Variants in ERBB4 observed in about 807,000 individuals in gnomAD.
ERBB4 encodes the protein erb-b2 receptor tyrosine kinase 4.
ERBB4 carries 42 observed loss-of-function variants against 158.0 expected under a neutral mutation model. That is an observed-to-expected ratio of 0.27 (90% CI 0.21 to 0.34). ERBB4 has a LOEUF of 0.34. ERBB4 is among the 10% of genes least tolerant of loss of function. The pLI is 1.00. For missense variants in ERBB4, 1,333 were observed against 1,624.1 expected, an observed-to-expected ratio of 0.82 and a Z score of 3.08; for synonymous variants, 583 against 558.7, an observed-to-expected ratio of 1.04 and a Z score of -0.61.
intron 12 of ERBB4, among the ~76,000 whole-genome samples, chr2:211,686,192 C>T (rs2072556960): frequency 1.3e-5 from 2 of 152,188 alleles, no homozygotes; most frequent in Admixed American, 6.5e-5. Flanking sequence ...CAATCTAGTG[C>T]AAAAGCCTTC....
intron 1 of ERBB4, among the ~76,000 whole-genome samples, chr2:212,303,065 T>C (rs1306044077): frequency 6.7e-6 from 1 of 148,962 alleles, no homozygotes; most frequent in Non-Finnish European, 1.5e-5. Flanking sequence ...AGTTTATTAT[T>C]TTCTTAGGTG....
At chr2:212,140,848 T>A (rs1006514943) in intron 1 of ERBB4, among the ~76,000 whole-genome samples, 6 of 103,484 alleles carry the variant, frequency 5.8e-5, no homozygotes, top group East Asian at 2.8e-4. Flanking sequence ...GAAACATGAG[T>A]GTGTGTGTGT....
intron 20 of ERBB4, among the ~76,000 whole-genome samples, chr2:211,446,295 A>G (rs1392893919): frequency 6.6e-6 from 1 of 152,194 alleles, no homozygotes; most frequent in Non-Finnish European, 1.5e-5. Context: ...TTGTAATTGC[A>G]TCACCTGGCT....
intron 16 of ERBB4, among the ~76,000 whole-genome samples, chr2:211,647,494 A>G (rs1452704043): frequency 6.6e-6 from 1 of 151,596 alleles, no homozygotes; most frequent in Non-Finnish European, 1.5e-5. Context: ...TAAACACAGG[A>G]TGACTAATTT....
chr2:212,068,964 G>C (rs749352521), intron 2 of ERBB4, among the ~76,000 whole-genome samples: 1 of 152,018 alleles, frequency 6.6e-6, no homozygotes, highest in Non-Finnish European at 1.5e-5. Context: ...GTCTCATAAA[G>C]GGGAGCCCCC....
chr2:211,582,786 T>G (rs2068143635), intron 19 of ERBB4, among the ~76,000 whole-genome samples: 1 of 152,168 alleles, frequency 6.6e-6, no homozygotes, highest in Non-Finnish European at 1.5e-5. Context: ...AAACATGTAC[T>G]GGAACACCAT....
intron 20 of ERBB4, among the ~76,000 whole-genome samples, chr2:211,509,765 A>AT (rs2065843543): frequency 1.3e-5 from 2 of 152,266 alleles, no homozygotes; most frequent in Admixed American, 1.3e-4. Context: ...AACCAAACCC[A>AT]TTAAAAAGTG....
chr2:211,758,239 T>C (rs548685755), intron 4 of ERBB4, among the ~76,000 whole-genome samples: 43 of 152,326 alleles, frequency 2.8e-4, no homozygotes, highest in African/African-American at 9.1e-4. Flanking sequence ...TCTATGATAT[T>C]ACTGTTCTGT....
chr2:211,811,112 T>C (rs1413848173), intron 3 of ERBB4, among the ~76,000 whole-genome samples: 1 of 152,218 alleles, frequency 6.6e-6, no homozygotes, highest in Admixed American at 6.5e-5. Context: ...CTAGCATCGA[T>C]GGTCTTTACA....
At chr2:212,426,358 T>C (rs1312387258) in intron 1 of ERBB4, 1 of 430,896 alleles carries the variant, frequency 2.3e-6, no homozygotes, top group Non-Finnish European at 4.5e-6. Context: ...CTAATAGTTA[T>C]TAGAAAGATG....
At chr2:212,086,017 A>G (rs1388331873) in intron 2 of ERBB4, among the ~76,000 whole-genome samples, 5 of 151,888 alleles carry the variant, frequency 3.3e-5, no homozygotes, top group Non-Finnish European at 1.5e-5. Flanking sequence ...AACTTCCCCA[A>G]TCTCTCACAT....
intron 1 of ERBB4, among the ~76,000 whole-genome samples, chr2:212,496,865 C>T (rs1690603136): frequency 6.6e-6 from 1 of 152,034 alleles, no homozygotes; most frequent in South Asian, 2.1e-4. Flanking sequence ...ACAGTCAATA[C>T]TTTATTTGCT....
chr2:212,072,580 G>A (rs1158543321), intron 2 of ERBB4, among the ~76,000 whole-genome samples: 1 of 151,950 alleles, frequency 6.6e-6, no homozygotes, highest in African/African-American at 2.4e-5. Context: ...AGAGGGCTGG[G>A]CAGTAAGAAT....
At chr2:211,812,329 T>G (rs1236972404) in intron 3 of ERBB4, among the ~76,000 whole-genome samples, 2 of 152,358 alleles carry the variant, frequency 1.3e-5, no homozygotes, top group East Asian at 3.9e-4. Flanking sequence ...AGACTCTGTT[T>G]GGCTGGGTAT....
chr2:212,153,677 T>C (rs56351822), intron 1 of ERBB4, among the ~76,000 whole-genome samples: 61,571 of 152,094 alleles, frequency 0.4, 15,237 homozygotes, highest in Non-Finnish European at 0.55. Context: ...ATTACTTTTG[T>C]GCTAACCTAA....
At chr2:211,631,916 A>T (rs569792500) in intron 16 of ERBB4, among the ~76,000 whole-genome samples, 2 of 152,230 alleles carry the variant, frequency 1.3e-5, no homozygotes, top group Admixed American at 1.3e-4. Flanking sequence ...CTTGCTAAAT[A>T]AACTTCTGCT....
intron 3 of ERBB4, among the ~76,000 whole-genome samples, chr2:211,866,791 C>T (rs576479805): frequency 1.7e-4 from 26 of 151,736 alleles, no homozygotes; most frequent in Non-Finnish European, 3.2e-4. Flanking sequence ...TTAAAATACG[C>T]CAATAGAGCT....
chr2:211,621,056 G>A (rs566929212), intron 18 of ERBB4, among the ~76,000 whole-genome samples: 18 of 152,142 alleles, frequency 1.2e-4, no homozygotes, highest in African/African-American at 3.1e-4. Context: ...TTGAGGCTAC[G>A]GTGAACTGTG....
chr2:211,803,740 T>A (rs2076551385), intron 3 of ERBB4, among the ~76,000 whole-genome samples: 1 of 152,230 alleles, frequency 6.6e-6, no homozygotes, highest in African/African-American at 2.4e-5. Flanking sequence ...ACATCTGGTT[T>A]ATTGAATAAT....
Sources: allele counts gnomAD v4.1 joint callset (sites outside exome capture counted in the v4.1 genomes callset), GRCh38; gene constraint gnomAD v4.1.1; transcripts MANE v1.5; gene names NCBI Gene and HGNC (gene_info 2026-07-23, HGNC 2026-07-21).